Variants in APBA2 observed in about 807,000 individuals in gnomAD.
APBA2 encodes the protein amyloid-beta A4 precursor protein-binding family A member 2.
In APBA2, 30 loss-of-function variants were observed where a neutral mutation model predicts 75.0. The observed-to-expected ratio is 0.40, with a 90% confidence interval of 0.30 to 0.54. The LOEUF (loss-of-function observed/expected upper bound fraction) is 0.54, where lower values mean the gene tolerates loss of function less well. Ranked by LOEUF, APBA2 falls within the 20% of genes least tolerant of loss-of-function variation. The pLI is 0.49. For missense variants in APBA2, 801 were observed against 1,016.1 expected, an observed-to-expected ratio of 0.79 and a Z score of 2.88; for synonymous variants, 444 against 409.6, an observed-to-expected ratio of 1.08 and a Z score of -1.01.
intron 4 of APBA2, among the ~76,000 whole-genome samples, chr15:29,072,276 A>G (rs1486565002): frequency 6.6e-6 from 1 of 152,126 alleles, no homozygotes; most frequent in Non-Finnish European, 1.5e-5. Context: ...CAGGAACCCA[A>G]GTCCATGCAG....
intron 4 of APBA2, among the ~76,000 whole-genome samples, chr15:29,069,285 C>T (rs1344326685): frequency 1.3e-5 from 2 of 152,182 alleles, no homozygotes; most frequent in Non-Finnish European, 2.9e-5. Context: ...GTTGTTTCTA[C>T]CGCATGATTA....
intron 2 of APBA2, among the ~76,000 whole-genome samples, chr15:28,980,649 A>G (rs1410400790): frequency 6.6e-6 from 1 of 152,248 alleles, no homozygotes; most frequent in East Asian, 1.9e-4. Flanking sequence ...TGCTCTTCCT[A>G]TCAAACTGCC....
In APBA2 at chr15:29,090,298, G is replaced by A. The variant is rs144676569; in HGVS notation, c.1070-2777G>A. On this transcript the variant is annotated intron_variant, in intron 6 of 14. Transcript: ENST00000683413. ...CCAGTGGTGACCCCCTGCCTGGGAT[G>A]GGGCATCCTTCACACACAGCAGTCT... Among the ~76,000 whole-genome samples the A allele has an allele frequency of 3.5e-4, 54 of 152,338 alleles. 1 individual carries two copies. The highest frequency in any genetic ancestry group is 1.2e-3 in the African/African-American group (48 of 41,576).
intron 8 of APBA2, among the ~76,000 whole-genome samples, chr15:29,097,714 A>G (rs917838048): frequency 2.6e-5 from 4 of 152,180 alleles, no homozygotes; most frequent in African/African-American, 9.7e-5. Flanking sequence ...AATATGAAAT[A>G]TTATTAACGG....
chr15:28,943,176 C>T (rs1215451479), intron 2 of APBA2, among the ~76,000 whole-genome samples: 4 of 152,236 alleles, frequency 2.6e-5, no homozygotes, highest in Admixed American at 6.5e-5. Context: ...TCTGGCCAGT[C>T]AGGCTGGGTG....
intron 3 of APBA2, among the ~76,000 whole-genome samples, chr15:29,037,919 C>T (rs1448176120): frequency 6.6e-6 from 1 of 152,144 alleles, no homozygotes; most frequent in African/African-American, 2.4e-5. Flanking sequence ...CGGCAGAGTC[C>T]TCATGGCCTA....
chr15:29,113,897 G>T lies in APBA2; in HGVS notation c.2059G>T (p.Gly687Cys), dbSNP rs149339035. ...TTAGATCTGCAGCCTCATGAGAGGG[G>T]GCATTGCTGAGCGAGGGGGCGTCCG... ...NGIICSLMRG[G>C]IAERGGVRVG... Residue 687 changes from glycine (G) to cysteine (C), a missense_variant, in exon 14 of 15, where the codon GGC becomes TGC. Physicochemically the swap from Gly to Cys is radical, Grantham distance 159. This residue lies in a region of APBA2 where 367 missense variants were observed against 544.5 expected (regional missense o/e 0.67). Coordinates refer to ENST00000683413, the MANE Select transcript of APBA2 (RefSeq NM_001353788.2). 6.2e-7 allele frequency: 1 copy of T among 1,612,526 alleles called. No homozygotes were observed.
chr15:29,024,531 C>T (rs2040119775), intron 3 of APBA2, among the ~76,000 whole-genome samples: 1 of 152,160 alleles, frequency 6.6e-6, no homozygotes. Flanking sequence ...TGCAGAGACT[C>T]ACGTGGACCA....
intron 4 of APBA2, among the ~76,000 whole-genome samples, chr15:29,057,313 G>A (rs1048660502): frequency 9.9e-5 from 15 of 152,166 alleles, no homozygotes; most frequent in African/African-American, 3.6e-4. Context: ...GATGCTGTAG[G>A]AGACTCACTT....
chr15:29,104,689 C>A (rs1470958099), intron 10 of APBA2, among the ~76,000 whole-genome samples: 1 of 152,248 alleles, frequency 6.6e-6, no homozygotes, highest in Admixed American at 6.5e-5. Flanking sequence ...GCACTGGGTT[C>A]TGTTGCTACC....
intron 2 of APBA2, among the ~76,000 whole-genome samples, chr15:28,939,329 A>C (rs978290668): frequency 1.3e-5 from 2 of 152,154 alleles, no homozygotes; most frequent in African/African-American, 4.8e-5. Context: ...GGGTGTACAG[A>C]TGTCTCCCTG....
chr15:29,094,446 G>C (rs1382026943), intron 8 of APBA2, 133 bp downstream of exon 8: 4 of 846,916 alleles, frequency 4.7e-6, no homozygotes, highest in African/African-American at 3.4e-5. Context: ...TCTTCCCTTG[G>C]TAGGTGAATC....
intron 3 of APBA2, among the ~76,000 whole-genome samples, chr15:29,034,366 G>T (rs140847289): frequency 6.6e-6 from 1 of 152,206 alleles, no homozygotes; most frequent in Non-Finnish European, 1.5e-5. Flanking sequence ...ACTTTGGAAC[G>T]CACCACGAAT....
chr15:29,114,666 TGTGG>T (rs1311406080), intron 14 of APBA2, among the ~76,000 whole-genome samples: 2 of 147,812 alleles, frequency 1.4e-5, no homozygotes, highest in Non-Finnish European at 1.5e-5. Flanking sequence ...GATGTATGAG[TGTGG>T]GTAAGTGTGG....
In APBA2 at chr15:28,918,202, G is replaced by T. The variant is rs190517115; in HGVS notation, c.-204-3438G>T. ...GCGGTCTCCGTGGGTGAGGGAAAAGGCACAGGGAGGTGCAGAAGCGTTCCT... is the reference window on the plus strand; with the variant it reads ...GCGGTCTCCGTGGGTGAGGGAAAAGTCACAGGGAGGTGCAGAAGCGTTCCT... On this transcript the variant is annotated intron_variant, in intron 1 of 14. Transcript: ENST00000683413. This position sits in a 1 kb window ranked among gnomAD's most constrained non-coding sequence, Gnocchi z 4.2. 1.2e-3 allele frequency among the ~76,000 whole-genome samples: 190 copies of T among 152,338 alleles called. No homozygotes were observed. The highest frequency in any genetic ancestry group is 4.2e-3 in the African/African-American group (175 of 41,580).
intron 3 of APBA2, among the ~76,000 whole-genome samples, chr15:29,007,288 A>G (rs1382739757): frequency 6.6e-6 from 1 of 152,232 alleles, no homozygotes. Context: ...AAAACTCAGA[A>G]GAAAACAGGT....
At chr15:28,912,540 A>C (rs1365579870) in intron 1 of APBA2, among the ~76,000 whole-genome samples, 1 of 152,214 alleles carries the variant, frequency 6.6e-6, no homozygotes, top group Non-Finnish European at 1.5e-5. Flanking sequence ...CATCAGGGTG[A>C]GCGCGGTTCA....
intron 2 of APBA2, among the ~76,000 whole-genome samples, chr15:28,948,727 T>C (rs2035684395): frequency 6.6e-6 from 1 of 152,208 alleles, no homozygotes; most frequent in South Asian, 2.1e-4. Flanking sequence ...GTCTGTGCCC[T>C]GCGGTTGTGG....
chr15:29,065,543 C>T (rs16955030), intron 4 of APBA2, among the ~76,000 whole-genome samples: 1 of 152,060 alleles, frequency 6.6e-6, no homozygotes. Flanking sequence ...ATGGGCAGCT[C>T]AAGAAAACTA....
Sources: gnomAD v4.1 joint callset for allele counts (sites outside exome capture counted in the v4.1 genomes callset) on GRCh38, gnomAD v4.1.1 for gene constraint, gnomAD v4.1.1 regional missense constraint, Gnocchi (gnomAD v3.1) non-coding constraint, MANE v1.5 for transcripts, NCBI Gene and HGNC (gene_info 2026-07-23, HGNC 2026-07-21) for gene names.